The following ADCY5 variants were observed in gnomAD, a reference collection of about 807,000 sequenced individuals.
ADCY5 encodes adenylate cyclase 5.
A neutral mutation model predicts 119.7 loss-of-function variants in ADCY5; 30 were observed. The ratio of observed to expected loss-of-function variants is 0.25; its 90% CI spans 0.19 to 0.34. The LOEUF is 0.34. ADCY5 is among the 10% of genes least tolerant of loss of function. The pLI is 1.00. For synonymous variants in ADCY5, 753 were observed against 762.2 expected (o/e 0.99, Z 0.20); for missense variants, 1,324 against 1,775.2 (o/e 0.75, Z 4.57).
intron 7 of ADCY5, 37 bp from the exon 8 acceptor site, chr3:123,325,499 G>C (rs780518006): frequency 6.2e-7 from 1 of 1,613,440 alleles, no homozygotes; most frequent in East Asian, 2.2e-5. Context: ...GAGATGAGGA[G>C]TCCAAGCGGA....
At chr3:123,331,226 G>T (rs1208491703) in intron 4 of ADCY5, among the ~76,000 whole-genome samples, 1 of 152,194 alleles carries the variant, frequency 6.6e-6, no homozygotes, top group African/African-American at 2.4e-5. Flanking sequence ...GGAGGGATGG[G>T]CTGGGCAGCC....
At chr3:123,298,562 G>T (rs1480114837) in intron 15 of ADCY5, among the ~76,000 whole-genome samples, 2 of 152,178 alleles carry the variant, frequency 1.3e-5, no homozygotes, top group African/African-American at 4.8e-5. Context: ...CAACCACCAA[G>T]AAGTTCTTCC....
At chr3:123,385,544 C>G (rs1382939021) in intron 1 of ADCY5, among the ~76,000 whole-genome samples, 2 of 152,144 alleles carry the variant, frequency 1.3e-5, no homozygotes, top group Admixed American at 6.5e-5. Flanking sequence ...GGGGTGTGTA[C>G]AGGGTGGGAG....
rs1944588445 is a variant in ADCY5, at chr3:123,396,733, GGAAGGA to G, written c.1135-44158_1135-44153del. Among the ~76,000 whole-genome samples the G allele has an allele frequency of 3.9e-3, 38 of 9,816 alleles. No homozygotes were observed. In the East Asian group the frequency reaches 0.09, roughly 23 times the overall value. The allele number at this position is 9,816 out of a possible 152,430, so 6.4% of individuals were successfully genotyped here. A position where few individuals can be genotyped will look rare whatever the true frequency, so the allele number is the denominator to read the frequency against. ...GAGGGAGAGAGAAGGGAGGGAGGAA[GGAAGGA>G]AGGAAGGAAGGAAGGAAGGAAGGAA... On this transcript the variant is annotated intron_variant, in intron 1 of 20. Coordinates refer to ENST00000462833, the MANE Select transcript of ADCY5 (RefSeq NM_183357.3).
Position 123,448,321 on chromosome 3 carries a change from G to A in ADCY5, c.225C>T (p.Ser75=). 3 of 1,536,754 alleles carry A rather than the reference G, an allele frequency of 2.0e-6. No individual in the cohort carries two copies. Among genetic ancestry groups the A allele is most frequent in the Admixed American group, 1.9e-5 (1 of 52,726 alleles). ...TCAGCGGAGGATCGTCGTCGTCGTC[G>A]CTGCGCCAGCGGCTGGCCAGGCGCT... The part of the protein sequence containing the change: ...QQQRLASRWR[S]DDDDDPPLSG... The change falls in exon 1 of 21, where the codon AGC becomes AGT. Residue 75 remains serine, a synonymous_variant. Coordinates refer to ENST00000462833, the MANE Select transcript of ADCY5 (RefSeq NM_183357.3).
intron 2 of ADCY5, 33 bp from the exon 3 acceptor site, chr3:123,347,936 G>A (rs768792307): frequency 4.3e-6 from 7 of 1,612,122 alleles, no homozygotes; most frequent in South Asian, 2.2e-5. Flanking sequence ...TCATCACCAC[G>A]CCTTCTACCT....
intron 2 of ADCY5, among the ~76,000 whole-genome samples, chr3:123,351,108 C>G (rs1389022903): frequency 6.6e-6 from 1 of 152,068 alleles, no homozygotes; most frequent in Admixed American, 6.5e-5. Flanking sequence ...AGGCTGGGGA[C>G]TGGTCAGCTT....
At chr3:123,382,800 G>T (rs1944075023) in intron 1 of ADCY5, among the ~76,000 whole-genome samples, 1 of 152,168 alleles carries the variant, frequency 6.6e-6, no homozygotes, top group South Asian at 2.1e-4. Flanking sequence ...TTTCTGTTTG[G>T]AATGATGAAA....
intron 1 of ADCY5, chr3:123,419,233 C>T (rs1404496664): frequency 1.0e-6 from 1 of 985,300 alleles, no homozygotes; most frequent in South Asian, 4.7e-5. Flanking sequence ...TCAGGTGGCA[C>T]TCAAGGCCCT....
chr3:123,321,792 C>T (rs1248121381), intron 8 of ADCY5, among the ~76,000 whole-genome samples: 1 of 152,198 alleles, frequency 6.6e-6, no homozygotes, highest in East Asian at 1.9e-4. Context: ...GAGCCAGGGC[C>T]ACCAGGCACT....
chr3:123,378,808 CTT>C (rs1943930327), intron 1 of ADCY5, among the ~76,000 whole-genome samples: 1 of 152,200 alleles, frequency 6.6e-6, no homozygotes, highest in South Asian at 2.1e-4. Context: ...CTCTTCATGC[CTT>C]TGTTTCCCCA....
At chr3:123,351,353 C>T (rs937943865) in intron 2 of ADCY5, among the ~76,000 whole-genome samples, 3 of 152,216 alleles carry the variant, frequency 2.0e-5, no homozygotes, top group South Asian at 2.1e-4. Flanking sequence ...GCATGTGCTC[C>T]GTGCCAGCCT....
At chr3:123,366,118 T>C (rs1339578988) in intron 1 of ADCY5, among the ~76,000 whole-genome samples, 2 of 152,228 alleles carry the variant, frequency 1.3e-5, no homozygotes, top group African/African-American at 4.8e-5. Flanking sequence ...AAATATATTA[T>C]TTAAATTACT....
intron 1 of ADCY5, among the ~76,000 whole-genome samples, chr3:123,360,657 A>G (rs1428369812): frequency 1.3e-5 from 2 of 152,222 alleles, no homozygotes; most frequent in Admixed American, 1.3e-4. Flanking sequence ...ATACGATTCT[A>G]AAGTGTAATG....
chr3:123,425,155 C>T lies in ADCY5; in HGVS notation c.1134+22257G>A, dbSNP rs116745543. On this transcript the variant is annotated intron_variant, in intron 1 of 20. Transcript: ENST00000462833. ...ATGGATGGGCAGGAAGCTGGCAGACCGCTTGCCAGCAGTTCTCCAACCATC... is the reference window on the plus strand; with the variant it reads ...ATGGATGGGCAGGAAGCTGGCAGACTGCTTGCCAGCAGTTCTCCAACCATC... Among the ~76,000 whole-genome samples the T allele has an allele frequency of 9.7e-3, 1,483 of 152,284 alleles. 22 individuals are homozygous for T. The highest frequency in any genetic ancestry group is 0.034 in the African/African-American group (1,419 of 41,540).
intron 12 of ADCY5, among the ~76,000 whole-genome samples, chr3:123,311,692 C>T (rs554642886): frequency 1.3e-5 from 2 of 152,206 alleles, no homozygotes; most frequent in South Asian, 2.1e-4. Context: ...CAGCCCAGAG[C>T]GGCAGGTTCC....
intron 19 of ADCY5, among the ~76,000 whole-genome samples, chr3:123,287,363 C>T (rs1305587954): frequency 6.6e-6 from 1 of 152,178 alleles, no homozygotes; most frequent in African/African-American, 2.4e-5. Flanking sequence ...AGCATCACTG[C>T]CTCTGAGCCT....
intron 1 of ADCY5, among the ~76,000 whole-genome samples, chr3:123,369,186 A>C (rs911425699): frequency 1.3e-5 from 2 of 152,196 alleles, no homozygotes; most frequent in Non-Finnish European, 2.9e-5. Context: ...ACCTGAGCTA[A>C]CGTGCACACA....
intron 1 of ADCY5, among the ~76,000 whole-genome samples, chr3:123,426,309 TG>T (rs369412654): frequency 0.69 from 73,740 of 107,352 alleles, 21,039 homozygotes; most frequent in Middle Eastern, 0.75. Context: ...GTTTTTTTTT[TG>T]TTTGTTTTTG....
Sources: allele counts gnomAD v4.1 joint callset (sites outside exome capture counted in the v4.1 genomes callset), GRCh38; gene constraint gnomAD v4.1.1; transcripts MANE v1.5; gene names NCBI Gene and HGNC (gene_info 2026-07-23, HGNC 2026-07-21).